Variants in BMP3 observed in about 807,000 individuals in gnomAD.
BMP3 encodes the protein bone morphogenetic protein 3 (osteogenic).
In BMP3, 23 loss-of-function variants were observed where a neutral mutation model predicts 38.1. That is an observed-to-expected ratio of 0.60 (90% CI 0.43 to 0.86). The LOEUF is 0.86. BMP3 is among the 40% of genes least tolerant of loss of function. The pLI, the probability that BMP3 is intolerant of heterozygous loss-of-function variation, is 0.00. For missense variants in BMP3, 628 were observed against 579.6 expected, an observed-to-expected ratio of 1.08 and a Z score of -0.86; for synonymous variants, 258 against 225.7, an observed-to-expected ratio of 1.14 and a Z score of -1.28.
At chr4:81,051,328 T>C (rs940517940) in intron 2 of BMP3, among the ~76,000 whole-genome samples, 6 of 152,158 alleles carry the variant, frequency 3.9e-5, no homozygotes, top group African/African-American at 1.4e-4. Context: ...CTTTTAAGTA[T>C]TTCATCCATT....
rs1342854107 is a variant in BMP3, at chr4:81,046,159, TGCC to T, written c.742_744del (p.Ala248del). The T allele has an allele frequency of 6.2e-7, 1 of 1,613,968 alleles. No homozygotes were observed. The highest frequency in any genetic ancestry group is 8.5e-7 in the Non-Finnish European group (1 of 1,180,026). ...CTTATATCTTGGTATATGCCAATGA[TGCC>T]GCCATTTCTGAGCCAGAAAGTGTGG... On this transcript the variant is annotated inframe_deletion, in exon 2 of 3. Coordinates refer to ENST00000282701, the MANE Select transcript of BMP3 (RefSeq NM_001201.5).
At position 81,056,268 on chromosome 4, in the gene BMP3, A is replaced by G. The variant is rs1248586984; in HGVS notation, c.*2732A>G. The G allele has an allele frequency of 6.6e-6, 1 of 151,892 alleles. No individual in the cohort carries two copies. The highest frequency in any genetic ancestry group is 1.5e-5 in the Non-Finnish European group (1 of 67,962). The allele number at this position is 151,892 out of a possible 1,614,324, so 9.4% of individuals were successfully genotyped here. On this transcript the variant is annotated 3_prime_UTR_variant, in exon 3 of 3. Transcript: ENST00000282701. ...ATACTCTCTCTCTCTCTTCCCCCAC[A>G]AGTAATCTCTCTACCCCATGCAGTG...
chr4:81,033,331 C>A (rs1739827859), intron 1 of BMP3, among the ~76,000 whole-genome samples: 1 of 152,174 alleles, frequency 6.6e-6, no homozygotes, highest in Non-Finnish European at 1.5e-5. Context: ...AAGATTTTAA[C>A]AACTCAGGCA....
At chr4:81,044,662 G>C (rs1402384830) in intron 1 of BMP3, among the ~76,000 whole-genome samples, 1 of 152,104 alleles carries the variant, frequency 6.6e-6, no homozygotes, top group African/African-American at 2.4e-5. Flanking sequence ...GGCAAACACC[G>C]ATCTGATTCT....
chr4:81,032,804 T>C (rs1578292580), intron 1 of BMP3, among the ~76,000 whole-genome samples: 2 of 152,252 alleles, frequency 1.3e-5, no homozygotes, highest in Admixed American at 6.5e-5. Flanking sequence ...ACATTTACAA[T>C]AGATGTGAAT....
intron 1 of BMP3, among the ~76,000 whole-genome samples, chr4:81,033,704 G>C (rs1416657801): frequency 6.6e-6 from 1 of 152,068 alleles, no homozygotes; most frequent in Non-Finnish European, 1.5e-5. Context: ...GGCAGTTCTG[G>C]CTCTAATAAG....
chr4:81,046,689 A>T, intron 2 of BMP3, 41 bp downstream of exon 2: 1 of 1,547,672 alleles, frequency 6.5e-7, no homozygotes. Context: ...TCCTATTTCC[A>T]TTAGTAGAAA....
At chr4:81,050,960 T>C (rs189595016) in intron 2 of BMP3, among the ~76,000 whole-genome samples, 154 of 152,182 alleles carry the variant, frequency 1.0e-3, no homozygotes, top group African/African-American at 3.5e-3. Context: ...GATGGATCTT[T>C]TGTGCACGAT....
intron 1 of BMP3, among the ~76,000 whole-genome samples, chr4:81,038,127 GCCTAT>G (rs1215982471): frequency 6.6e-6 from 1 of 152,028 alleles, no homozygotes; most frequent in East Asian, 1.9e-4. Flanking sequence ...CTTTTAGTGG[GCCTAT>G]CCATAAACAA....
At chr4:81,039,601 T>G (rs1487384692) in intron 1 of BMP3, among the ~76,000 whole-genome samples, 2 of 152,188 alleles carry the variant, frequency 1.3e-5, no homozygotes, top group Non-Finnish European at 2.9e-5. Context: ...GCTTTGTTTT[T>G]AGATAAAAAC....
At chr4:81,034,144 G>C (rs1355234770) in intron 1 of BMP3, among the ~76,000 whole-genome samples, 1 of 152,152 alleles carries the variant, frequency 6.6e-6, no homozygotes, top group African/African-American at 2.4e-5. Flanking sequence ...TTACTTGATG[G>C]TGGGTGGCAT....
chr4:81,031,506 G>T lies in BMP3; in HGVS notation c.222G>T (p.Arg74=). 2 of 1,612,856 alleles carry T rather than the reference G, an allele frequency of 1.2e-6. No homozygotes were observed. The highest frequency in any genetic ancestry group is 2.2e-5 in the South Asian group (2 of 90,770). ...GGTACAGCACGGTCCAGGCGGCCCGGACACCGGGCTCCCTGGAGGGAGGCT... is the reference window on the plus strand; with the variant it reads ...GGTACAGCACGGTCCAGGCGGCCCGTACACCGGGCTCCCTGGAGGGAGGCT... The part of the protein sequence containing the change: ...YDRYSTVQAA[R]TPGSLEGGSQ... Residue 74 remains arginine (R), a synonymous_variant, in exon 1 of 3, where the codon CGG becomes CGT. Coordinates refer to ENST00000282701, the MANE Select transcript of BMP3 (RefSeq NM_001201.5).
In BMP3 at chr4:81,030,755, G is replaced by GCACA. The variant is rs1289631715; in HGVS notation, c.-529_-528insACAC. 3.3e-5 allele frequency among the ~76,000 whole-genome samples: 5 copies of GCACA among 150,202 alleles called. No homozygotes were observed. The highest frequency in any genetic ancestry group is 6.6e-5 in the Admixed American group (1 of 15,122). On this transcript the variant is annotated 5_prime_UTR_variant, in exon 1 of 3. Transcript: ENST00000282701. ...CACACGCACACACGCGCGCGCGCGC[G>GCACA]CGCACACACACACACACGTACACTA...
chr4:81,053,650 A>G lies in BMP3; in HGVS notation c.*114A>G, dbSNP rs1252930947. The G allele has an allele frequency of 1.7e-6, 1 of 587,496 alleles. No individual in the cohort carries two copies. The highest frequency in any genetic ancestry group is 2.5e-6 in the Non-Finnish European group (1 of 397,404). The allele number at this position is 587,496 out of a possible 1,614,324, so 36.4% of individuals were successfully genotyped here. ...CTGCCAATGCATTTTGTTTCAAAAG[A>G]TTATTTCTATAGTCAGAGGGGAATG... is the stretch of plus-strand genomic sequence containing the variant. On this transcript the variant is annotated 3_prime_UTR_variant, in exon 3 of 3. Transcript: ENST00000282701.
At chr4:81,047,372 A>G (rs1740279663) in intron 2 of BMP3, among the ~76,000 whole-genome samples, 1 of 152,148 alleles carries the variant, frequency 6.6e-6, no homozygotes, top group African/African-American at 2.4e-5. Context: ...ATATTTGCAG[A>G]AGTCTCTCCA....
chr4:81,031,621 T>A, intron 1 of BMP3, 21 bp downstream of exon 1: 1 of 1,548,114 alleles, frequency 6.5e-7, no homozygotes, highest in Non-Finnish European at 8.7e-7. Flanking sequence ...GAGGTGAGAC[T>A]CCCTTCCCGC....
At chr4:81,032,210 A>AAC (rs1489595998) in intron 1 of BMP3, among the ~76,000 whole-genome samples, 1 of 150,700 alleles carries the variant, frequency 6.6e-6, no homozygotes, top group Non-Finnish European at 1.5e-5. Context: ...AAAAAAAAAA[A>AAC]AAAAAAAAAA....
chr4:81,040,524 A>G (rs1378663851), intron 1 of BMP3, among the ~76,000 whole-genome samples: 1 of 152,184 alleles, frequency 6.6e-6, no homozygotes, highest in Non-Finnish European at 1.5e-5. Context: ...CATCTTTGAC[A>G]CTGGAAAGAA....
intron 1 of BMP3, among the ~76,000 whole-genome samples, chr4:81,043,589 A>AGTTT (rs1560511859): frequency 1.6e-4 from 3 of 18,666 alleles, no homozygotes. Flanking sequence ...AGCATACTAC[A>AGTTT]ATTTTTTTTT....
Sources: gnomAD v4.1 joint callset for allele counts (sites outside exome capture counted in the v4.1 genomes callset) on GRCh38, gnomAD v4.1.1 for gene constraint, MANE v1.5 for transcripts, NCBI Gene and HGNC (gene_info 2026-07-23, HGNC 2026-07-21) for gene names.